The following EPB41L4A variants were observed in gnomAD, a reference collection of about 807,000 sequenced individuals.
EPB41L4A encodes erythrocyte membrane protein band 4.1 like 4A, also known as band 4.1-like protein 4A.
EPB41L4A carries 100 observed loss-of-function variants against 108.6 expected under a neutral mutation model. The observed-to-expected ratio is 0.92, with a 90% CI of 0.78 to 1.09. EPB41L4A has a LOEUF of 1.09. Ranked by LOEUF, EPB41L4A falls within the 50% of genes least tolerant of loss-of-function variation. The probability of loss-of-function intolerance (pLI) is 0.00; values close to 1 mark genes in which losing one functional copy is unlikely to be tolerated. For missense variants in EPB41L4A, 1,030 were observed against 842.7 expected (o/e 1.22, Z -2.75); for synonymous variants, 319 against 289.0 (o/e 1.10, Z -1.05).
chr5:112,357,985 A>G (rs138302951), intron 1 of EPB41L4A, among the ~76,000 whole-genome samples: 170 of 152,358 alleles, frequency 1.1e-3, no homozygotes, highest in East Asian at 3.1e-3. Flanking sequence ...CTTCCTCAAT[A>G]GTCCAAGAAC....
intron 3 of EPB41L4A, among the ~76,000 whole-genome samples, chr5:112,280,047 AG>A (rs1752867740): frequency 6.6e-6 from 1 of 152,224 alleles, no homozygotes; most frequent in Non-Finnish European, 1.5e-5. Flanking sequence ...ACCTGCCTCT[AG>A]GAAAAATTCC....
chr5:112,265,183 G>A (rs892611111), intron 5 of EPB41L4A, among the ~76,000 whole-genome samples, 167 bp from the exon 6 acceptor site: 3 of 152,020 alleles, frequency 2.0e-5, no homozygotes, highest in Non-Finnish European at 2.9e-5. Context: ...GAGCATATAC[G>A]GATGGTAGCA....
intron 17 of EPB41L4A, among the ~76,000 whole-genome samples, chr5:112,189,642 G>C (rs1023904079): frequency 4.6e-5 from 7 of 151,928 alleles, no homozygotes; most frequent in Non-Finnish European, 1.0e-4. Context: ...TTTAATACTT[G>C]GTAGGCTCCC....
At chr5:112,224,570 G>C (rs775007217) in intron 12 of EPB41L4A, among the ~76,000 whole-genome samples, 18 of 152,160 alleles carry the variant, frequency 1.2e-4, no homozygotes, top group Non-Finnish European at 1.3e-4. Context: ...TGAGAATGCT[G>C]AATGACAAGT....
intron 1 of EPB41L4A, among the ~76,000 whole-genome samples, chr5:112,310,611 T>TAA (rs879627851): frequency 6.6e-6 from 1 of 152,240 alleles, no homozygotes; most frequent in Admixed American, 6.5e-5. Flanking sequence ...ACTAACAGTT[T>TAA]TATCAAGTTC....
At chr5:112,404,655 T>G (rs941058107) in intron 1 of EPB41L4A, among the ~76,000 whole-genome samples, 1 of 152,216 alleles carries the variant, frequency 6.6e-6, no homozygotes, top group Non-Finnish European at 1.5e-5. Context: ...ACTTTTTCTT[T>G]CTTATTGTAG....
chr5:112,354,099 C>A (rs1370138318), intron 1 of EPB41L4A, among the ~76,000 whole-genome samples: 1 of 152,174 alleles, frequency 6.6e-6, no homozygotes, highest in Non-Finnish European at 1.5e-5. Context: ...AGCAAATAAC[C>A]TCATCTGCAA....
chr5:112,349,635 A>C (rs2140626), intron 1 of EPB41L4A, among the ~76,000 whole-genome samples: 91,360 of 152,042 alleles, frequency 0.6, 28,742 homozygotes, highest in South Asian at 0.78. Flanking sequence ...GAGATCAAAG[A>C]AGCAGAGAAT....
chr5:112,149,055 C>T (rs1164057398), intron 12 of EPB41L4A, among the ~76,000 whole-genome samples: 1 of 152,100 alleles, frequency 6.6e-6, no homozygotes, highest in African/African-American at 2.4e-5. Context: ...CTAAATTGTT[C>T]TGGGTGAATT....
chr5:112,395,941 C>A (rs941933774), intron 1 of EPB41L4A, among the ~76,000 whole-genome samples: 1 of 152,180 alleles, frequency 6.6e-6, no homozygotes, highest in Non-Finnish European at 1.5e-5. Flanking sequence ...GAGTTCATGT[C>A]CTTTGTAGGG....
chr5:112,403,863 A>T lies in EPB41L4A; in HGVS notation c.99+15078T>A, dbSNP rs1316224141. ...CTTGGGCAGGCAAACTGACCAGTTCATTTTTGACTATTCTACTGGAAATAC... is the reference window on the plus strand; with the variant it reads ...CTTGGGCAGGCAAACTGACCAGTTCTTTTTTGACTATTCTACTGGAAATAC... On this transcript the variant is annotated intron_variant, in intron 1 of 22. Coordinates refer to ENST00000261486, the MANE Select transcript of EPB41L4A (RefSeq NM_022140.5). Among the ~76,000 whole-genome samples, 8 of 152,212 alleles carry T rather than the reference A, an allele frequency of 5.3e-5. No homozygotes were observed. In the South Asian group the frequency reaches 1.4e-3, roughly 28 times the overall value.
chr5:112,319,002 T>C (rs545842895), intron 1 of EPB41L4A, among the ~76,000 whole-genome samples: 15 of 152,296 alleles, frequency 9.8e-5, no homozygotes, highest in African/African-American at 3.4e-4. Flanking sequence ...TAGCTTGTTA[T>C]AGGAAACAGA....
At chr5:112,180,769 A>C (rs2150228211) in intron 18 of EPB41L4A, among the ~76,000 whole-genome samples, 1 of 152,310 alleles carries the variant, frequency 6.6e-6, no homozygotes, top group Middle Eastern at 3.4e-3. Context: ...GAAAATGCAA[A>C]CCACAGCCTG....
intron 2 of EPB41L4A, among the ~76,000 whole-genome samples, chr5:112,303,453 C>G (rs1303856954): frequency 6.6e-6 from 1 of 152,098 alleles, no homozygotes; most frequent in Non-Finnish European, 1.5e-5. Flanking sequence ...TGGGCCTGAA[C>G]AGAGTTAGAG....
At chr5:112,213,999 G>C (rs1747429281) in intron 12 of EPB41L4A, among the ~76,000 whole-genome samples, 1 of 152,190 alleles carries the variant, frequency 6.6e-6, no homozygotes, top group Non-Finnish European at 1.5e-5. Context: ...GTAAAGCTAG[G>C]TTATATGTTG....
intron 2 of EPB41L4A, among the ~76,000 whole-genome samples, chr5:112,281,607 C>T (rs1385713916): frequency 6.6e-6 from 1 of 152,230 alleles, no homozygotes; most frequent in Non-Finnish European, 1.5e-5. Context: ...GGGGCAATTC[C>T]CACCACAGCG....
At chr5:112,178,836 T>C (rs1206873046) in intron 18 of EPB41L4A, among the ~76,000 whole-genome samples, 1 of 151,784 alleles carries the variant, frequency 6.6e-6, no homozygotes, top group African/African-American at 2.4e-5. Flanking sequence ...AAATAAATGT[T>C]ATCCTAAGAA....
intron 1 of EPB41L4A, among the ~76,000 whole-genome samples, chr5:112,339,484 A>ATC (rs1554099994): frequency 0.024 from 831 of 35,222 alleles, 8 homozygotes; most frequent in African/African-American, 0.037. Flanking sequence ...CTATATATAT[A>ATC]TATATATATA....
chr5:112,220,786 TTCC>T (rs1259881534), intron 12 of EPB41L4A, among the ~76,000 whole-genome samples: 6 of 152,190 alleles, frequency 3.9e-5, no homozygotes, highest in African/African-American at 4.8e-5. Context: ...TCTGACCTTC[TTCC>T]TCCTTTTTCC....
Sources: gnomAD v4.1 joint callset for allele counts (sites outside exome capture counted in the v4.1 genomes callset) on GRCh38, gnomAD v4.1.1 for gene constraint, MANE v1.5 for transcripts, NCBI Gene and HGNC (gene_info 2026-07-23, HGNC 2026-07-21) for gene names.